NWD2: variants seen among roughly 807,000 people sequenced by gnomAD.
NWD2 encodes NACHT and WD repeat domain containing 2, also known as NACHT and WD repeat domain-containing protein 2.
In NWD2, 37 loss-of-function variants were observed where a neutral mutation model predicts 132.7. The ratio of observed to expected loss-of-function variants is 0.28; its 90% CI spans 0.21 to 0.37. The LOEUF (loss-of-function observed/expected upper bound fraction) is 0.37. NWD2 is among the 10% of genes least tolerant of loss of function. The pLI, the probability that NWD2 is intolerant of heterozygous loss-of-function variation, is 1.00. For synonymous variants in NWD2, 705 were observed against 803.0 expected (o/e 0.88, Z 2.06); for missense variants, 1,592 against 2,122.4 (o/e 0.75, Z 4.91).
At chr4:37,337,767 T>C (rs1719439973) in intron 2 of NWD2, among the ~76,000 whole-genome samples, 1 of 152,188 alleles carries the variant, frequency 6.6e-6, no homozygotes. Flanking sequence ...CAGCTCTCTC[T>C]CCTCCATAGT....
At chr4:37,317,308 C>T (rs1718977603) in intron 1 of NWD2, among the ~76,000 whole-genome samples, 1 of 152,192 alleles carries the variant, frequency 6.6e-6, no homozygotes, top group Non-Finnish European at 1.5e-5. Flanking sequence ...CTTCCCACCA[C>T]AGGAATTTGT....
intron 1 of NWD2, among the ~76,000 whole-genome samples, chr4:37,250,039 A>G (rs967773188): frequency 1.3e-5 from 2 of 152,174 alleles, no homozygotes; most frequent in East Asian, 1.9e-4. Context: ...GAAACCTATC[A>G]GTATTCTTCA....
intron 2 of NWD2, among the ~76,000 whole-genome samples, chr4:37,326,724 T>A (rs904207295): frequency 5.3e-5 from 8 of 152,224 alleles, no homozygotes; most frequent in African/African-American, 1.9e-4. Flanking sequence ...TTCAGCCTCA[T>A]TGGCGATGGA....
chr4:37,430,918 A>G (rs1371760388), intron 4 of NWD2, 143 bp downstream of exon 4: 17 of 660,776 alleles, frequency 2.6e-5, no homozygotes. Context: ...CCTTTTAACA[A>G]CTAAATCCAC....
At chr4:37,298,061 T>C (rs534005602) in intron 1 of NWD2, among the ~76,000 whole-genome samples, 1 of 152,146 alleles carries the variant, frequency 6.6e-6, no homozygotes, top group African/African-American at 2.4e-5. Context: ...GAGGTACTTA[T>C]TGTTGGGTTT....
At chr4:37,279,042 A>G (rs905761684) in intron 1 of NWD2, among the ~76,000 whole-genome samples, 1 of 152,176 alleles carries the variant, frequency 6.6e-6, no homozygotes, top group African/African-American at 2.4e-5. Context: ...ATAAAATAAG[A>G]TAGAGAAATA....
intron 1 of NWD2, among the ~76,000 whole-genome samples, chr4:37,283,400 G>A (rs552983001): frequency 6.6e-6 from 1 of 152,234 alleles, no homozygotes; most frequent in South Asian, 2.1e-4. Flanking sequence ...CAGTATGTCT[G>A]TATATGTTAC....
chr4:37,400,719 T>C (rs114475829), intron 3 of NWD2, among the ~76,000 whole-genome samples: 1 of 152,368 alleles, frequency 6.6e-6, no homozygotes, highest in African/African-American at 2.4e-5. Flanking sequence ...GTGGGTTTCA[T>C]GTCAATCAAT....
intron 3 of NWD2, among the ~76,000 whole-genome samples, chr4:37,360,034 A>T (rs1177421666): frequency 6.6e-6 from 1 of 152,170 alleles, no homozygotes; most frequent in African/African-American, 2.4e-5. Flanking sequence ...AGAGCCCAGA[A>T]TTTTCATTTT....
chr4:37,336,517 A>C (rs1247498772), intron 2 of NWD2, among the ~76,000 whole-genome samples: 2 of 152,210 alleles, frequency 1.3e-5, no homozygotes, highest in Non-Finnish European at 1.5e-5. Flanking sequence ...TAATGGCCTG[A>C]CTGCCTGGTG....
rs1712563690 is a variant in NWD2, at chr4:37,444,112, T to C, written c.2124T>C (p.Ile708=). The change falls in exon 7 of 7, where the codon ATT becomes ATC. Residue 708 remains isoleucine, a synonymous_variant. Transcript: ENST00000309447. The surrounding 1 kb of genome is among the most constrained non-coding windows in gnomAD (Gnocchi z 4.8). ...CCCTGAGAGTACCTTACTTGTACAT[T>C]GCAAGGCTCAAGGAGGGTCTCAGTG... ...SNPLRVPYLY[I]ARLKEGLSGY... is the part of the protein sequence containing the mutation. The C allele has an allele frequency of 1.9e-6, 3 of 1,551,588 alleles. No individual in the cohort carries two copies. The African/African-American group carries it at 4.1e-5, about 21-fold the overall frequency.
chr4:37,309,212 C>T (rs569297894), intron 1 of NWD2, among the ~76,000 whole-genome samples: 3 of 152,162 alleles, frequency 2.0e-5, no homozygotes, highest in Non-Finnish European at 4.4e-5. Context: ...ACACTGGCAG[C>T]AGGCCCCAGG....
At chr4:37,351,654 A>C (rs981190048) in intron 2 of NWD2, among the ~76,000 whole-genome samples, 5 of 151,718 alleles carry the variant, frequency 3.3e-5, no homozygotes, top group African/African-American at 1.2e-4. Context: ...TTTTTTTAAG[A>C]GTTTTTCTTG....
chr4:37,436,954 G>A (rs1712338478), intron 5 of NWD2, among the ~76,000 whole-genome samples: 1 of 152,102 alleles, frequency 6.6e-6, no homozygotes, highest in South Asian at 2.1e-4. Flanking sequence ...TCATGACACA[G>A]CTTACTAGGC....
At chr4:37,248,214 G>C (rs1577643093) in intron 1 of NWD2, among the ~76,000 whole-genome samples, 1 of 152,148 alleles carries the variant, frequency 6.6e-6, no homozygotes, top group Non-Finnish European at 1.5e-5. Flanking sequence ...CAGATAGGGG[G>C]ATAAGCACTG....
intron 3 of NWD2, among the ~76,000 whole-genome samples, chr4:37,393,131 A>G (rs1720712120): frequency 3.9e-5 from 6 of 152,094 alleles, no homozygotes; most frequent in Admixed American, 3.9e-4. Flanking sequence ...CCAAGCCATG[A>G]ATGTTGGGCC....
At chr4:37,332,860 G>T (rs1719322502) in intron 2 of NWD2, among the ~76,000 whole-genome samples, 1 of 152,188 alleles carries the variant, frequency 6.6e-6, no homozygotes, top group Non-Finnish European at 1.5e-5. Context: ...GGAGCCCATT[G>T]CCCTGAAGGG....
intron 2 of NWD2, among the ~76,000 whole-genome samples, chr4:37,336,952 G>GAAAAAA (rs11371327): frequency 6.7e-5 from 8 of 119,010 alleles, no homozygotes; most frequent in Non-Finnish European, 1.0e-4. Flanking sequence ...CTCAAAAAAA[G>GAAAAAA]AAAAAAAAAA....
rs1560257871 is a variant in NWD2 at position 37,445,249 on chromosome 4, G to A, written c.3261G>A (p.Leu1087=). ...ASKDVTVIDL[L]YGWPLYQFHC... ...AAGATGTCACTGTCATCGATCTGCT[G>A]TACGGATGGCCGCTTTACCAGTTCC... Residue 1087 remains leucine (L), a synonymous_variant, in exon 7 of 7, where the codon CTG becomes CTA. Transcript: ENST00000309447. This position sits in a 1 kb window ranked among gnomAD's most constrained non-coding sequence, Gnocchi z 4.7. 1 of 1,551,906 alleles carries A rather than the reference G, an allele frequency of 6.4e-7. No homozygotes were observed. Among genetic ancestry groups the A allele is most frequent in the African/African-American group, 1.4e-5 (1 of 73,172 alleles).
Sources: gnomAD v4.1 joint callset for allele counts (sites outside exome capture counted in the v4.1 genomes callset) on GRCh38, gnomAD v4.1.1 for gene constraint, Gnocchi (gnomAD v3.1) non-coding constraint, MANE v1.5 for transcripts, NCBI Gene and HGNC (gene_info 2026-07-23, HGNC 2026-07-21) for gene names.